The following ERMP1 variants were observed in gnomAD, a reference collection of about 807,000 sequenced individuals.
The protein encoded by ERMP1 is endoplasmic reticulum metallopeptidase 1, also known as Felix-ina.
In ERMP1, 86 loss-of-function variants were observed where a neutral mutation model predicts 92.0. The ratio of observed to expected loss-of-function variants is 0.93; its 90% confidence interval spans 0.79 to 1.12. ERMP1 has a LOEUF of 1.12. Ranked by LOEUF, ERMP1 falls within the 50% of genes most tolerant of loss-of-function variation. The pLI is 0.00. For synonymous variants in ERMP1, 530 were observed against 412.8 expected, an observed-to-expected ratio of 1.28 and a Z score of -3.44; for missense variants, 1,342 against 1,116.3, an observed-to-expected ratio of 1.20 and a Z score of -2.88.
intron 2 of ERMP1, among the ~76,000 whole-genome samples, chr9:5,830,129 C>T (rs910166181): frequency 6.6e-6 from 1 of 152,170 alleles, no homozygotes; most frequent in African/African-American, 2.4e-5. Context: ...TCCGCCAACC[C>T]GCAGCCCAGG....
At chr9:5,854,844 T>C (rs1267464143) in intron 6 of ERMP1, among the ~76,000 whole-genome samples, 2 of 152,210 alleles carry the variant, frequency 1.3e-5, no homozygotes, top group Non-Finnish European at 2.9e-5. Flanking sequence ...ATTACTTCTA[T>C]ACATAAGACA....
At chr9:5,825,018 A>G (rs1221581001) in intron 3 of ERMP1, 74 bp downstream of exon 3, 2 of 1,430,506 alleles carry the variant, frequency 1.4e-6, no homozygotes, top group African/African-American at 2.9e-5. Context: ...TTTACTATTT[A>G]GTAAATAATA....
intron 11 of ERMP1, among the ~76,000 whole-genome samples, chr9:5,799,874 T>G (rs1241588080): frequency 8.5e-5 from 13 of 152,190 alleles, no homozygotes; most frequent in Non-Finnish European, 1.8e-4. Flanking sequence ...AAAAACACAC[T>G]GAACCTCCTA....
intron 6 of ERMP1, among the ~76,000 whole-genome samples, chr9:5,851,214 G>A (rs533093830): frequency 6.6e-6 from 1 of 152,182 alleles, no homozygotes; most frequent in Non-Finnish European, 1.5e-5. Context: ...CTACTAGGAA[G>A]CTCAGAGCCA....
chr9:5,865,155 G>C (rs868270339), intron 5 of ERMP1, among the ~76,000 whole-genome samples: 5 of 152,012 alleles, frequency 3.3e-5, no homozygotes, highest in African/African-American at 4.8e-5. Context: ...TAAAATAAAT[G>C]AAAAATTTAT....
At chr9:5,813,092 C>G in intron 4 of ERMP1, 57 bp from the exon 5 acceptor site, 1 of 1,586,514 alleles carries the variant, frequency 6.3e-7, no homozygotes, top group South Asian at 1.1e-5. Flanking sequence ...TTTTAACATA[C>G]TAATGTTTTT....
chr9:5,862,768 G>A (rs533290586), intron 5 of ERMP1, among the ~76,000 whole-genome samples: 105 of 152,296 alleles, frequency 6.9e-4, no homozygotes, highest in Non-Finnish European at 1.1e-3. Context: ...TGATCACCAA[G>A]GTGAGTTCTC....
chr9:5,848,376 C>T (rs1027657484), intron 6 of ERMP1, among the ~76,000 whole-genome samples: 4 of 152,094 alleles, frequency 2.6e-5, no homozygotes, highest in African/African-American at 7.2e-5. Context: ...CGTGGATCTG[C>T]GCCTAGAACC....
At position 5,805,229 on chromosome 9, in the gene ERMP1, G is replaced by A. The variant is rs759460231; in HGVS notation, c.1724-12C>T. ...TTTTCCTTGGGCACCTAGGGAAAAA[G>A]AGAAAAAAAGCACACATCTATGAAA... is the stretch of plus-strand genomic sequence containing the variant. On this transcript the variant is annotated splice_polypyrimidine_tract_variant and intron_variant, in intron 9 of 14. Transcript: ENST00000339450. 52 of 1,585,616 alleles carry A rather than the reference G, an allele frequency of 3.3e-5. No homozygotes were observed. The highest frequency in any genetic ancestry group is 1.1e-4 in the Admixed American group (6 of 55,274).
chr9:5,789,684 G>A (rs1034320055), intron 13 of ERMP1, among the ~76,000 whole-genome samples: 4 of 152,004 alleles, frequency 2.6e-5, no homozygotes, highest in South Asian at 2.1e-4. Context: ...ACCTAGGGTC[G>A]AGTGCAGTGG....
At position 5,858,580 on chromosome 9, in the gene ERMP1, G is replaced by A. The variant is rs1830414342; in HGVS notation, n.3199+888C>T. ...CTATAGCTGCCCTTAAGTGCCCAGG[G>A]AGGCCCACCTCCTCCTCCGGAGCAC... On this transcript the variant is annotated intron_variant and non_coding_transcript_variant, in intron 6 of 6. Transcript: ENST00000690753. Among the ~76,000 whole-genome samples the A allele has an allele frequency of 2.0e-5, 3 of 152,162 alleles. No homozygotes were observed. The South Asian group carries it at 6.2e-4, about 32-fold the overall frequency.
chr9:5,853,618 T>TGGGAGTTAGAG (rs1316880586), intron 6 of ERMP1, among the ~76,000 whole-genome samples: 1 of 151,928 alleles, frequency 6.6e-6, no homozygotes, highest in Non-Finnish European at 1.5e-5. Flanking sequence ...GCCAGGCAGA[T>TGGGAGTTAGAG]GGGAGTTAGA....
chr9:5,812,491 G>T (rs950542038), intron 5 of ERMP1, among the ~76,000 whole-genome samples: 2 of 152,158 alleles, frequency 1.3e-5, no homozygotes, highest in African/African-American at 4.8e-5. Flanking sequence ...TATTGAGTTT[G>T]GGAGGTCATG....
In ERMP1 at chr9:5,798,906, G is replaced by A. The variant is rs774542275; in HGVS notation, c.2170C>T (p.Pro724Ser). ...CTATCATTGATCTCAGGAATGTGAG[G>A]GGTTATGTGAGAAATTCCAGTATAA... Reference protein sequence around the residue: ...FDYTGISHITPHIPEINDSIR... With the variant: ...FDYTGISHITSHIPEINDSIR... Residue 724 changes from proline to serine, a missense_variant, in exon 12 of 15, where the codon CCT (proline) becomes TCT (serine). Physicochemically the swap from Pro to Ser is moderately conservative, Grantham distance 74. Transcript: ENST00000339450. 6.9e-5 allele frequency: 111 copies of A among 1,612,330 alleles called. No individual in the cohort carries two copies. The highest frequency in any genetic ancestry group is 9.2e-5 in the Non-Finnish European group (108 of 1,178,482).
chr9:5,818,012 G>A (rs1462707846), intron 4 of ERMP1, among the ~76,000 whole-genome samples: 3 of 152,102 alleles, frequency 2.0e-5, no homozygotes, highest in Non-Finnish European at 4.4e-5. Context: ...GACTAGAATT[G>A]TTCAAGAATA....
chr9:5,844,055 A>C (rs1447397401), intron 6 of ERMP1, among the ~76,000 whole-genome samples: 1 of 152,108 alleles, frequency 6.6e-6, no homozygotes, highest in Non-Finnish European at 1.5e-5. Flanking sequence ...CCGGGAGAAG[A>C]ATCTCAGTCA....
chr9:5,819,147 C>G (rs763534745), intron 4 of ERMP1, among the ~76,000 whole-genome samples: 2 of 151,962 alleles, frequency 1.3e-5, no homozygotes, highest in Non-Finnish European at 2.9e-5. Context: ...TCATAAAAGT[C>G]TAAAAGTGGA....
intron 6 of ERMP1, among the ~76,000 whole-genome samples, chr9:5,849,153 G>C (rs1426256621): frequency 6.6e-6 from 1 of 152,216 alleles, no homozygotes; most frequent in Non-Finnish European, 1.5e-5. Context: ...TTCCCGAGTA[G>C]CTGGGACTAT....
At chr9:5,805,898 C>CA (rs1238851142) in intron 8 of ERMP1, 113 bp from the exon 9 acceptor site, 19 of 789,626 alleles carry the variant, frequency 2.4e-5, no homozygotes, top group Non-Finnish European at 1.9e-6. Context: ...GTTTTAAACA[C>CA]AGTCTGCTCT....
Sources: gnomAD v4.1 joint callset for allele counts (sites outside exome capture counted in the v4.1 genomes callset) on GRCh38, gnomAD v4.1.1 for gene constraint, MANE v1.5 for transcripts, NCBI Gene and HGNC (gene_info 2026-07-23, HGNC 2026-07-21) for gene names.